EPHA6: variants seen among roughly 807,000 people sequenced by gnomAD.
EPHA6 encodes ephrin type-A receptor 6.
In EPHA6, 50 loss-of-function variants were observed where a neutral mutation model predicts 112.0. The observed-to-expected ratio is 0.45, with a 90% CI of 0.36 to 0.56. EPHA6 has a LOEUF of 0.56. Ranked by LOEUF, EPHA6 falls within the 20% of genes least tolerant of loss-of-function variation. The pLI, the probability that EPHA6 is intolerant of heterozygous loss-of-function variation, is 0.00. For synonymous variants in EPHA6, 529 were observed against 490.7 expected, an observed-to-expected ratio of 1.08 and a Z score of -1.03; for missense variants, 1,280 against 1,417.4, an observed-to-expected ratio of 0.90 and a Z score of 1.56.
chr3:97,264,603 G>A (rs2079609929), intron 5 of EPHA6, among the ~76,000 whole-genome samples: 1 of 152,222 alleles, frequency 6.6e-6, no homozygotes, highest in Admixed American at 6.5e-5. Context: ...ACAATATGGT[G>A]ATCAAGGGGC....
chr3:97,370,988 A>G (rs1232671598), intron 5 of EPHA6, among the ~76,000 whole-genome samples: 1 of 151,610 alleles, frequency 6.6e-6, no homozygotes, highest in Non-Finnish European at 1.5e-5. Context: ...GTACTTGTTG[A>G]TTTCTGGGCT....
At chr3:96,990,934 G>T (rs923979385) in intron 3 of EPHA6, among the ~76,000 whole-genome samples, 1 of 151,914 alleles carries the variant, frequency 6.6e-6, no homozygotes, top group East Asian at 1.9e-4. Flanking sequence ...AAGAAAAAAT[G>T]AGTATATCAC....
At chr3:96,944,003 A>T (rs1417652563) in intron 2 of EPHA6, among the ~76,000 whole-genome samples, 1 of 152,152 alleles carries the variant, frequency 6.6e-6, no homozygotes, top group Non-Finnish European at 1.5e-5. Flanking sequence ...ATCAGTGAAT[A>T]AACATGCTTA....
At chr3:96,922,165 A>G (rs1351622292) in intron 2 of EPHA6, among the ~76,000 whole-genome samples, 4 of 152,164 alleles carry the variant, frequency 2.6e-5, no homozygotes, top group Non-Finnish European at 4.4e-5. Context: ...ATCTATGTTC[A>G]TTTTCTGGTA....
At position 97,619,346 on chromosome 3, in the gene EPHA6, A is replaced by G. The variant is rs6787766; in HGVS notation, c.2574+8492A>G. On this transcript the variant is annotated intron_variant, in intron 13 of 17. Transcript: ENST00000389672. ...AAAGCTGGAAACATTGCCCTTGAAA[A>G]AGGGCACAAGACAAGGATGCCCTAT... is the stretch of plus-strand genomic sequence containing the variant. Among the ~76,000 whole-genome samples the G allele has an allele frequency of 8.0e-3, 1,198 of 150,574 alleles. 18 individuals carry two copies. The highest frequency in any genetic ancestry group is 0.028 in the African/African-American group (1,147 of 41,338).
chr3:97,232,178 T>C (rs573685880), intron 4 of EPHA6, among the ~76,000 whole-genome samples: 1 of 152,166 alleles, frequency 6.6e-6, no homozygotes, highest in Non-Finnish European at 1.5e-5. Flanking sequence ...TTATTTAACT[T>C]CTCTTGACTC....
intron 5 of EPHA6, among the ~76,000 whole-genome samples, chr3:97,390,674 TAGGGTAAGCTGTGATATCCTACAA>T (rs2086348215): frequency 6.6e-6 from 1 of 151,988 alleles, no homozygotes; most frequent in Non-Finnish European, 1.5e-5. Flanking sequence ...TGTAGAATCT[TAGGGTAAGCTGTGATATCCTACAA>T]AATCTATGGA....
rs528461042 is a variant in EPHA6, at chr3:97,363,372, G to A, written c.1607-41778G>A. Among the ~76,000 whole-genome samples, 95 of 150,526 alleles carry A rather than the reference G, an allele frequency of 6.3e-4. 1 individual carries two copies. The highest frequency in any genetic ancestry group is 1.1e-3 in the Non-Finnish European group (76 of 67,578). ...ATGCAGGCTTATGGGGCAACCACTG[G>A]CCTGCAAATTTGAGTACCAGGGTTA... On this transcript the variant is annotated intron_variant, in intron 5 of 17. Coordinates refer to ENST00000389672, the MANE Select transcript of EPHA6 (RefSeq NM_001080448.3).
intron 10 of EPHA6, among the ~76,000 whole-genome samples, chr3:97,511,227 A>G (rs2092358760): frequency 1.1e-5 from 1 of 90,658 alleles, no homozygotes; most frequent in Non-Finnish European, 1.8e-5. Flanking sequence ...TGGGGTATGA[A>G]AAAAAAAAAA....
rs554631157 is a variant in EPHA6 at position 96,904,222 on chromosome 3, G to A, written c.450+37333G>A. ...GGAACCAACCCAAATGTCCAACAAT[G>A]ATAGACTGGATTAAGAAAATGTGGC... On this transcript the variant is annotated intron_variant, in intron 2 of 17. Coordinates refer to ENST00000389672, the MANE Select transcript of EPHA6 (RefSeq NM_001080448.3). 2.9e-3 allele frequency among the ~76,000 whole-genome samples: 446 copies of A among 152,040 alleles called. 4 individuals carry two copies. The highest frequency in any genetic ancestry group is 9.8e-3 in the African/African-American group (405 of 41,460).
chr3:97,247,560 A>T (rs903999470), intron 5 of EPHA6, among the ~76,000 whole-genome samples: 1 of 151,956 alleles, frequency 6.6e-6, no homozygotes, highest in African/African-American at 2.4e-5. Context: ...AGGTAAAATG[A>T]GGCTGATATA....
chr3:97,155,863 A>C (rs1388088192), intron 3 of EPHA6, among the ~76,000 whole-genome samples: 1 of 151,798 alleles, frequency 6.6e-6, no homozygotes, highest in Non-Finnish European at 1.5e-5. Context: ...CCCTGCAGCC[A>C]CCTCTCCCTT....
chr3:97,310,812 T>G (rs1006948418), intron 5 of EPHA6, among the ~76,000 whole-genome samples: 12 of 151,738 alleles, frequency 7.9e-5, no homozygotes, highest in African/African-American at 2.9e-4. Flanking sequence ...TATTAACTGT[T>G]TGTTATTCCT....
chr3:97,233,098 C>G (rs1265254487), intron 4 of EPHA6, among the ~76,000 whole-genome samples: 2 of 152,094 alleles, frequency 1.3e-5, no homozygotes, highest in African/African-American at 4.8e-5. Flanking sequence ...CCACTGTTCC[C>G]TGGCACCAGC....
chr3:97,187,011 A>G (rs1203929890), intron 3 of EPHA6, among the ~76,000 whole-genome samples: 3 of 152,148 alleles, frequency 2.0e-5, no homozygotes, highest in African/African-American at 7.2e-5. Flanking sequence ...TAGCAACACC[A>G]TACTTTTATA....
At position 97,405,022 on chromosome 3, in the gene EPHA6, A is replaced by T. The variant is rs2087247285; in HGVS notation, c.1607-128A>T. The T allele has an allele frequency of 4.2e-5, 41 of 975,400 alleles. No individual in the cohort carries two copies. In the South Asian group the frequency reaches 6.7e-4, roughly 16 times the overall value. 60.4% of individuals were successfully genotyped at this position (975,400 alleles called of 1,614,324 possible). A position where few individuals can be genotyped will look rare whatever the true frequency, so the allele number is the denominator to read the frequency against. ...AGCATATCGTAAGGCTATCTTATTA[A>T]TCTGCCTTCAATAAATGGTGTCCTC... On this transcript the variant is annotated intron_variant, in intron 5 of 17. Transcript: ENST00000389672.
intron 2 of EPHA6, among the ~76,000 whole-genome samples, chr3:96,926,533 C>T (rs2040044511): frequency 6.6e-6 from 1 of 152,188 alleles, no homozygotes; most frequent in Admixed American, 6.5e-5. Flanking sequence ...AGACAAGTTC[C>T]TTCTGCCTAG....
chr3:97,095,184 G>A (rs1299648014), intron 3 of EPHA6, among the ~76,000 whole-genome samples: 1 of 151,912 alleles, frequency 6.6e-6, no homozygotes, highest in Non-Finnish European at 1.5e-5. Context: ...AAAGCATCCT[G>A]ACTTTTTAAT....
chr3:97,569,654 C>CA (rs1481251543), intron 11 of EPHA6, among the ~76,000 whole-genome samples: 1 of 151,848 alleles, frequency 6.6e-6, no homozygotes, highest in Non-Finnish European at 1.5e-5. Flanking sequence ...TATACATTTT[C>CA]AAAAAAATAC....
Sources: allele counts gnomAD v4.1 joint callset (sites outside exome capture counted in the v4.1 genomes callset), GRCh38; gene constraint gnomAD v4.1.1; transcripts MANE v1.5; gene names NCBI Gene and HGNC (gene_info 2026-07-23, HGNC 2026-07-21).